Variants in CDYL2 observed in about 807,000 individuals in gnomAD.
CDYL2 encodes the protein chromodomain Y-like protein 2.
CDYL2 carries 23 observed loss-of-function variants against 49.4 expected under a neutral mutation model. That is an observed-to-expected ratio of 0.47 (90% CI 0.34 to 0.66). CDYL2 has a LOEUF of 0.66. Ranked by LOEUF, CDYL2 falls within the 30% of genes least tolerant of loss-of-function variation. CDYL2 has a pLI of 0.01. For missense variants in CDYL2, 678 were observed against 656.4 expected (o/e 1.03, Z -0.36); for synonymous variants, 360 against 268.8 (o/e 1.34, Z -3.32).
chr16:80,633,607 G>A (rs75007774), intron 2 of CDYL2, among the ~76,000 whole-genome samples: 6,164 of 152,266 alleles, frequency 0.04, 417 homozygotes, highest in African/African-American at 0.14. Flanking sequence ...ATAAGAGCAA[G>A]ACCAGCAGCT....
At chr16:80,796,817 C>G (rs924738610) in intron 1 of CDYL2, among the ~76,000 whole-genome samples, 1 of 152,120 alleles carries the variant, frequency 6.6e-6, no homozygotes. Flanking sequence ...TCCAGAAGAC[C>G]CAAACTCCTC....
intron 3 of CDYL2, among the ~76,000 whole-genome samples, chr16:80,629,764 G>T (rs1371482220): frequency 6.6e-6 from 1 of 152,172 alleles, no homozygotes; most frequent in African/African-American, 2.4e-5. Flanking sequence ...ACTAGAAAAA[G>T]CAACTTAATT....
intron 2 of CDYL2, among the ~76,000 whole-genome samples, chr16:80,678,092 C>T (rs994189176): frequency 7.4e-4 from 113 of 152,200 alleles, no homozygotes; most frequent in African/African-American, 2.6e-3. Context: ...CTTCCTTACA[C>T]CTTATACAAA....
At chr16:80,694,988 T>C (rs1178718419) in intron 1 of CDYL2, among the ~76,000 whole-genome samples, 3 of 152,230 alleles carry the variant, frequency 2.0e-5, no homozygotes, top group Non-Finnish European at 1.5e-5. Context: ...ATGCTCCTGA[T>C]AATAAGAGTA....
intron 2 of CDYL2, among the ~76,000 whole-genome samples, chr16:80,653,224 G>A (rs1477503253): frequency 1.3e-5 from 2 of 152,206 alleles, no homozygotes; most frequent in African/African-American, 4.8e-5. Flanking sequence ...CTGGCACTTT[G>A]GGAGGCCAAG....
At chr16:80,662,046 A>G (rs1333903516) in intron 2 of CDYL2, among the ~76,000 whole-genome samples, 1 of 152,162 alleles carries the variant, frequency 6.6e-6, no homozygotes, top group African/African-American at 2.4e-5. Flanking sequence ...TGCATTCCGT[A>G]TTCACCTCAC....
intron 1 of CDYL2, among the ~76,000 whole-genome samples, chr16:80,713,402 TAAATC>T (rs1256429543): frequency 2.6e-5 from 4 of 152,164 alleles, no homozygotes; most frequent in South Asian, 2.1e-4. Flanking sequence ...ATTTTTTAGT[TAAATC>T]AAATGGCCTT....
chr16:80,638,285 G>C (rs114927156), intron 2 of CDYL2, among the ~76,000 whole-genome samples: 1,568 of 152,190 alleles, frequency 0.01, 33 homozygotes, highest in African/African-American at 0.036. Context: ...ATGTTGCCTA[G>C]GCTGGTCTCA....
rs1329140537 is a variant in CDYL2 at position 80,601,893 on chromosome 16, G to T, written c.*2495C>A. The T allele has an allele frequency of 6.6e-6, 1 of 152,268 alleles. No homozygotes were observed. Among genetic ancestry groups the T allele is most frequent in the East Asian group, 1.9e-4 (1 of 5,174 alleles). 9.4% of individuals were successfully genotyped at this position (152,268 alleles called of 1,614,324 possible). A position where few individuals can be genotyped will look rare whatever the true frequency, so the allele number is the denominator to read the frequency against. On this transcript the variant is annotated 3_prime_UTR_variant, in exon 7 of 7. Coordinates refer to ENST00000570137, the MANE Select transcript of CDYL2 (RefSeq NM_152342.4). ...TCTTCAGAGATCCTTGAAATGTTTAGAAGTTTGGATTTGATAGTACATCCA... is the reference window on the plus strand; with the variant it reads ...TCTTCAGAGATCCTTGAAATGTTTATAAGTTTGGATTTGATAGTACATCCA...
In CDYL2 at chr16:80,804,159, G is replaced by A; in HGVS notation, c.15C>T (p.Asp5=). MASG[D]LYEVERIVDK... ...CCCCGCGTCCCCGTACCTCGTAAAG[G>A]TCCCCAGAAGCCATGCCAGGCTGCG... The change falls in exon 1 of 7, where the codon GAC becomes GAT. Residue 5 remains aspartate, a synonymous_variant. Transcript: ENST00000570137. The A allele has an allele frequency of 7.7e-7, 1 of 1,290,414 alleles. No homozygotes were observed. The highest frequency in any genetic ancestry group is 1.0e-6 in the Non-Finnish European group (1 of 988,082). 79.9% of individuals were successfully genotyped at this position (1,290,414 alleles called of 1,614,324 possible).
At chr16:80,687,509 G>C (rs191156174) in intron 1 of CDYL2, among the ~76,000 whole-genome samples, 97 of 152,126 alleles carry the variant, frequency 6.4e-4, no homozygotes, top group African/African-American at 2.1e-3. Flanking sequence ...TGGATGGTAG[G>C]ATGTATGGGT....
rs1314149177 is a variant in CDYL2, at chr16:80,774,098, A to G, written c.24+30052T>C. Among the ~76,000 whole-genome samples the G allele has an allele frequency of 3.3e-5, 5 of 152,198 alleles. No homozygotes were observed. In the South Asian group the frequency reaches 1.0e-3, roughly 31 times the overall value. On this transcript the variant is annotated intron_variant, in intron 1 of 6. Coordinates refer to ENST00000570137, the MANE Select transcript of CDYL2 (RefSeq NM_152342.4). Reference sequence around the variant, plus strand: ...TAAAGTGCACATTTATAATTTTGGCAATAAATAAATGCATAAAAGTAAAGG... The same window carrying G: ...TAAAGTGCACATTTATAATTTTGGCGATAAATAAATGCATAAAAGTAAAGG...
At chr16:80,679,291 T>TAAATAAAC (rs1555529547) in intron 2 of CDYL2, among the ~76,000 whole-genome samples, 243 of 150,896 alleles carry the variant, frequency 1.6e-3, no homozygotes, top group African/African-American at 5.3e-3. Flanking sequence ...AATAAATAAA[T>TAAATAAAC]AAACAAACAA....
At chr16:80,739,762 G>C (rs943990901) in intron 1 of CDYL2, among the ~76,000 whole-genome samples, 7 of 152,190 alleles carry the variant, frequency 4.6e-5, no homozygotes, top group Non-Finnish European at 1.0e-4. Flanking sequence ...CTCTCAGAGA[G>C]ACAGAGAGGT....
intron 2 of CDYL2, among the ~76,000 whole-genome samples, chr16:80,682,550 C>T (rs1433029706): frequency 6.6e-6 from 1 of 152,184 alleles, no homozygotes; most frequent in Non-Finnish European, 1.5e-5. Flanking sequence ...ATGAGTCTGG[C>T]TTCTCTCCTT....
At chr16:80,698,058 A>G (rs1400313691) in intron 1 of CDYL2, among the ~76,000 whole-genome samples, 1 of 152,200 alleles carries the variant, frequency 6.6e-6, no homozygotes, top group African/African-American at 2.4e-5. Flanking sequence ...TAAAATTCAT[A>G]TGGAAGCACA....
In CDYL2 at chr16:80,795,773, T is replaced by G. The variant is rs552579931; in HGVS notation, c.24+8377A>C. On this transcript the variant is annotated intron_variant, in intron 1 of 6. Transcript: ENST00000570137. ...CCAGGCCTGGTTGAGTTCTTAGAGT[T>G]ACCAGTTCTAGTCTAAGACCCAGAG... Among the ~76,000 whole-genome samples the G allele has an allele frequency of 1.4e-4, 21 of 152,324 alleles. 1 individual carries two copies. The highest frequency in any genetic ancestry group is 4.1e-4 in the African/African-American group (17 of 41,580).
At chr16:80,625,241 T>A (rs1318015711) in intron 3 of CDYL2, among the ~76,000 whole-genome samples, 1 of 152,200 alleles carries the variant, frequency 6.6e-6, no homozygotes, top group Non-Finnish European at 1.5e-5. Context: ...ATCATTTTCT[T>A]CCCTTTTCCA....
chr16:80,740,091 A>G (rs1479372751), intron 1 of CDYL2, among the ~76,000 whole-genome samples: 1 of 152,186 alleles, frequency 6.6e-6, no homozygotes, highest in Non-Finnish European at 1.5e-5. Flanking sequence ...CAGGTCTCTA[A>G]CTCAGAAAAA....
Sources: allele counts gnomAD v4.1 joint callset (sites outside exome capture counted in the v4.1 genomes callset), GRCh38; gene constraint gnomAD v4.1.1; transcripts MANE v1.5; gene names NCBI Gene and HGNC (gene_info 2026-07-23, HGNC 2026-07-21).